The following SLC39A11 variants were observed in gnomAD, a reference collection of about 807,000 sequenced individuals.
The protein encoded by SLC39A11 is solute carrier family 39 member 11.
Under a neutral mutation model 36.1 loss-of-function variants are expected in SLC39A11, and 33 were observed. The observed-to-expected ratio is 0.91, with a 90% CI of 0.69 to 1.22. The LOEUF (loss-of-function observed/expected upper bound fraction) is 1.22, where lower values mean the gene tolerates loss of function less well. Ranked by LOEUF, SLC39A11 falls within the 50% of genes most tolerant of loss-of-function variation. The pLI is 0.00. For missense variants in SLC39A11, 432 were observed against 430.3 expected, an observed-to-expected ratio of 1.00 and a Z score of -0.03; for synonymous variants, 166 against 170.3, an observed-to-expected ratio of 0.97 and a Z score of 0.20.
intron 6 of SLC39A11, among the ~76,000 whole-genome samples, chr17:72,738,911 A>G (rs1463038444): frequency 6.6e-6 from 1 of 152,164 alleles, no homozygotes; most frequent in African/African-American, 2.4e-5. Flanking sequence ...ACCTGGGGAC[A>G]AGAAGGCAGC....
At chr17:73,086,054 G>C (rs1364487466) in intron 2 of SLC39A11, among the ~76,000 whole-genome samples, 1 of 152,170 alleles carries the variant, frequency 6.6e-6, no homozygotes, top group Non-Finnish European at 1.5e-5. Context: ...ATAAAGCACA[G>C]AAACAGGGAA....
At chr17:72,678,597 C>T (rs11650091) in intron 7 of SLC39A11, among the ~76,000 whole-genome samples, 72,995 of 151,650 alleles carry the variant, frequency 0.48, 17,755 homozygotes, top group Admixed American at 0.53. Context: ...CCCAGCTACT[C>T]GGGAGGCTGA....
chr17:72,909,793 T>C (rs1284349620), intron 5 of SLC39A11, among the ~76,000 whole-genome samples: 2 of 150,936 alleles, frequency 1.3e-5, no homozygotes, highest in East Asian at 1.9e-4. Context: ...TTGCCCAGGC[T>C]GGAGTGCAGT....
intron 5 of SLC39A11, among the ~76,000 whole-genome samples, chr17:72,920,620 A>C (rs2083602757): frequency 1.5e-5 from 2 of 132,264 alleles, no homozygotes; most frequent in Non-Finnish European, 3.1e-5. Context: ...TACACCCCAT[A>C]CACACACACA....
At chr17:73,039,247 C>A (rs1033737241) in intron 3 of SLC39A11, among the ~76,000 whole-genome samples, 2 of 152,112 alleles carry the variant, frequency 1.3e-5, no homozygotes, top group Non-Finnish European at 2.9e-5. Flanking sequence ...GGATTCATCC[C>A]TCTCCCCGTA....
chr17:73,062,179 G>T (rs1162698072), intron 3 of SLC39A11, among the ~76,000 whole-genome samples: 1 of 151,854 alleles, frequency 6.6e-6, no homozygotes, highest in Non-Finnish European at 1.5e-5. Context: ...TTCAGATGAG[G>T]CCGGGCGCAG....
chr17:72,761,308 T>A (rs1322398732), intron 6 of SLC39A11, among the ~76,000 whole-genome samples: 1 of 151,932 alleles, frequency 6.6e-6, no homozygotes, highest in Non-Finnish European at 1.5e-5. Context: ...AGAGATGGAT[T>A]TTCACCATGT....
intron 7 of SLC39A11, among the ~76,000 whole-genome samples, chr17:72,670,417 A>G (rs761952004): frequency 9.2e-5 from 14 of 151,500 alleles, no homozygotes; most frequent in Non-Finnish European, 1.8e-4. Context: ...AAATTTTCTC[A>G]TAGTAATCTT....
chr17:72,709,424 A>G (rs538961562), intron 7 of SLC39A11, among the ~76,000 whole-genome samples: 1 of 152,290 alleles, frequency 6.6e-6, no homozygotes, highest in East Asian at 1.9e-4. Context: ...AGGTGTGCTC[A>G]CCAATTGGCC....
intron 7 of SLC39A11, among the ~76,000 whole-genome samples, chr17:72,677,699 T>C (rs4445941): frequency 0.84 from 127,062 of 152,044 alleles, 53,219 homozygotes; most frequent in African/African-American, 0.87. Context: ...GCAGGCATAG[T>C]ATCCAGGAAC....
intron 6 of SLC39A11, among the ~76,000 whole-genome samples, chr17:72,746,367 C>T (rs1225076561): frequency 6.6e-6 from 1 of 152,074 alleles, no homozygotes; most frequent in Non-Finnish European, 1.5e-5. Flanking sequence ...ACCTGTAATC[C>T]CAGCAATTTG....
At chr17:72,901,068 A>G (rs571748470) in intron 5 of SLC39A11, among the ~76,000 whole-genome samples, 2 of 152,332 alleles carry the variant, frequency 1.3e-5, no homozygotes, top group East Asian at 3.9e-4. Context: ...ACCCATCAGA[A>G]TATCAGCAAT....
At chr17:72,997,631 A>T (rs954181763) in intron 4 of SLC39A11, among the ~76,000 whole-genome samples, 1 of 152,250 alleles carries the variant, frequency 6.6e-6, no homozygotes, top group East Asian at 1.9e-4. Context: ...TGGTCCAAAA[A>T]TATTAAATGG....
At chr17:72,815,598 C>T (rs900294309) in intron 6 of SLC39A11, among the ~76,000 whole-genome samples, 3 of 151,524 alleles carry the variant, frequency 2.0e-5, no homozygotes, top group African/African-American at 7.3e-5. Flanking sequence ...GCCTGGGCAA[C>T]AAGAGCGAAA....
chr17:72,817,414 C>T (rs534829409), intron 6 of SLC39A11, among the ~76,000 whole-genome samples: 153 of 151,988 alleles, frequency 1.0e-3, no homozygotes, highest in South Asian at 1.5e-3. Context: ...CTTGCTGGAA[C>T]TAAGAGTGAG....
At chr17:72,735,484 T>C (rs1054229438) in intron 7 of SLC39A11, among the ~76,000 whole-genome samples, 3 of 152,148 alleles carry the variant, frequency 2.0e-5, no homozygotes, top group African/African-American at 4.8e-5. Flanking sequence ...GGAGAATATT[T>C]TGGGACTGCA....
At chr17:72,709,233 C>T (rs57301150) in intron 7 of SLC39A11, among the ~76,000 whole-genome samples, 2,613 of 152,170 alleles carry the variant, frequency 0.017, 63 homozygotes, top group African/African-American at 0.056. Context: ...CCACCGCGCC[C>T]GGCCAAGCCT....
chr17:72,850,635 C>T (rs562573338), intron 5 of SLC39A11, among the ~76,000 whole-genome samples: 2 of 152,280 alleles, frequency 1.3e-5, no homozygotes, highest in East Asian at 3.9e-4. Flanking sequence ...CTTCCTGACT[C>T]AGCCACTGGC....
chr17:73,078,632 G>A (rs950499042), intron 3 of SLC39A11, among the ~76,000 whole-genome samples: 13 of 151,902 alleles, frequency 8.6e-5, no homozygotes, highest in African/African-American at 2.4e-4. Context: ...GATTACAGGT[G>A]CCCGCCACCA....
Sources: allele counts gnomAD v4.1 joint callset (sites outside exome capture counted in the v4.1 genomes callset), GRCh38; gene constraint gnomAD v4.1.1; transcripts MANE v1.5; gene names NCBI Gene and HGNC (gene_info 2026-07-23, HGNC 2026-07-21).